LRRC37A2: variants seen among roughly 807,000 people sequenced by gnomAD.
The protein encoded by LRRC37A2 is leucine-rich repeat-containing protein 37A2.
LRRC37A2 carries 9 observed loss-of-function variants against 68.8 expected under a neutral mutation model. The observed-to-expected ratio is 0.13, with a 90% CI of 0.08 to 0.23. The LOEUF is 0.23. Among genes scored for constraint, LRRC37A2 ranks in the 10% least tolerant of loss-of-function variants. The probability of loss-of-function intolerance (pLI) is 1.00; values close to 1 mark genes in which losing one functional copy is unlikely to be tolerated. For synonymous variants in LRRC37A2, 63 were observed against 367.6 expected, an observed-to-expected ratio of 0.17 and a Z score of 9.48; for missense variants, 168 against 950.4, an observed-to-expected ratio of 0.18 and a Z score of 10.82.
At chr17:46,889,496 G>C in the LRRC37A2 span, among the ~76,000 whole-genome samples, 62 of 152,298 alleles carry the variant, frequency 4.1e-4, no homozygotes, top group Middle Eastern at 3.4e-3. Flanking sequence ...CCAGCCAACT[G>C]TCAGGGGTCA....
chr17:46,888,063 A>T, the LRRC37A2 span, among the ~76,000 whole-genome samples: 1 of 152,206 alleles, frequency 6.6e-6, no homozygotes, highest in Non-Finnish European at 1.5e-5. Flanking sequence ...GAACCATGTG[A>T]ATGTATTCCT....
chr17:46,837,641 C>G, the LRRC37A2 span, among the ~76,000 whole-genome samples: 1 of 152,182 alleles, frequency 6.6e-6, no homozygotes, highest in Non-Finnish European at 1.5e-5. Context: ...TCTGGGGTGA[C>G]TCCAAAGGAC....
the LRRC37A2 span, among the ~76,000 whole-genome samples, chr17:46,734,153 C>A: frequency 1.3e-5 from 2 of 152,184 alleles, no homozygotes; most frequent in African/African-American, 2.4e-5. Flanking sequence ...TATTAAGCAA[C>A]TCTTTAGGCT....
At chr17:47,007,633 G>A in the LRRC37A2 span, among the ~76,000 whole-genome samples, 2,856 of 152,236 alleles carry the variant, frequency 0.019, 73 homozygotes, top group African/African-American at 0.061. Flanking sequence ...ATAACTGTTC[G>A]AGAATGATGT....
At chr17:46,787,985 T>C in the LRRC37A2 span, among the ~76,000 whole-genome samples, 6 of 144,942 alleles carry the variant, frequency 4.1e-5, no homozygotes, top group Non-Finnish European at 7.6e-5. Flanking sequence ...AGATGTAGCC[T>C]CCACCCTCCT....
chr17:46,535,300 TTC>T (rs1426773655), intron 6 of LRRC37A2, among the ~76,000 whole-genome samples: 1 of 143,632 alleles, frequency 7.0e-6, no homozygotes, highest in Admixed American at 6.8e-5. Flanking sequence ...TGTCTTTGGC[TTC>T]TGTCAGTTTG....
At chr17:46,610,011 T>TTCTG in the LRRC37A2 span, among the ~76,000 whole-genome samples, 1 of 80,208 alleles carries the variant, frequency 1.2e-5, no homozygotes, top group Non-Finnish European at 2.9e-5. Flanking sequence ...CTTTCTCTCT[T>TTCTG]TCTTTCTTTC....
chr17:46,732,771 C>T, the LRRC37A2 span, among the ~76,000 whole-genome samples: 1 of 152,106 alleles, frequency 6.6e-6, no homozygotes, highest in Admixed American at 6.5e-5. Context: ...AATCAAGTTT[C>T]CCTGTGTTCT....
chr17:46,815,929 G>A, the LRRC37A2 span, among the ~76,000 whole-genome samples: 2 of 152,072 alleles, frequency 1.3e-5, no homozygotes, highest in Admixed American at 1.3e-4. Context: ...ACACAGCCCT[G>A]GGCCCAGCAC....
At chr17:46,805,858 C>CTGTGG in the LRRC37A2 span, among the ~76,000 whole-genome samples, 1 of 152,202 alleles carries the variant, frequency 6.6e-6, no homozygotes, top group East Asian at 1.9e-4. Context: ...AACTTCCTGG[C>CTGTGG]TGTGGTGTGG....
the LRRC37A2 span, among the ~76,000 whole-genome samples, chr17:46,848,932 G>GCACACACACACACACA: frequency 4.1e-5 from 6 of 146,290 alleles, no homozygotes; most frequent in South Asian, 2.1e-4. Context: ...GTGTGCACGT[G>GCACACACACACACACA]CACACACACA....
At chr17:46,778,636 G>A in the LRRC37A2 span, among the ~76,000 whole-genome samples, 1 of 152,062 alleles carries the variant, frequency 6.6e-6, no homozygotes, top group Admixed American at 6.5e-5. Context: ...GTTCCACTTC[G>A]GGAGGCGGCA....
At chr17:46,805,350 G>A in the LRRC37A2 span, among the ~76,000 whole-genome samples, 4 of 152,080 alleles carry the variant, frequency 2.6e-5, no homozygotes, top group African/African-American at 9.7e-5. Context: ...AGGTGGGCGG[G>A]TCACCTGAGG....
chr17:46,939,326 A>G, the LRRC37A2 span: 1 of 1,012,686 alleles, frequency 9.9e-7, no homozygotes, highest in Non-Finnish European at 1.2e-6. Context: ...CCCTGGAAGC[A>G]GCTACCTAGG....
At chr17:46,799,446 CTT>C in the LRRC37A2 span, among the ~76,000 whole-genome samples, 44,056 of 121,744 alleles carry the variant, frequency 0.36, 7,123 homozygotes, top group East Asian at 0.41. Context: ...ATTATTTCTA[CTT>C]TTTTTTTTTT....
chr17:46,676,499 T>G, the LRRC37A2 span, among the ~76,000 whole-genome samples: 1 of 146,348 alleles, frequency 6.8e-6, no homozygotes, highest in Non-Finnish European at 1.5e-5. Flanking sequence ...CCCAAAGTGC[T>G]GAGATTATAG....
chr17:46,913,027 A>G, the LRRC37A2 span, among the ~76,000 whole-genome samples: 1 of 152,162 alleles, frequency 6.6e-6, no homozygotes, highest in Non-Finnish European at 1.5e-5. Flanking sequence ...CCTGCCTCCC[A>G]TGAGGCGGAT....
At chr17:46,999,381 G>A in the LRRC37A2 span, among the ~76,000 whole-genome samples, 2,269 of 152,264 alleles carry the variant, frequency 0.015, 42 homozygotes, top group African/African-American at 0.053. Context: ...CTTTGAGACT[G>A]GGTGTCCCTC....
chr17:46,786,889 T>G, the LRRC37A2 span, among the ~76,000 whole-genome samples: 1 of 152,020 alleles, frequency 6.6e-6, no homozygotes, highest in Non-Finnish European at 1.5e-5. Context: ...CTGGGGGTGC[T>G]CATCAGTACA....
Sources: gnomAD v4.1 joint callset for allele counts (sites outside exome capture counted in the v4.1 genomes callset) on GRCh38, gnomAD v4.1.1 for gene constraint, MANE v1.5 for transcripts, NCBI Gene and HGNC (gene_info 2026-07-23, HGNC 2026-07-21) for gene names.